The following RGL1 variants were observed in gnomAD, a reference collection of about 807,000 sequenced individuals.
The protein encoded by RGL1 is ral guanine nucleotide dissociation stimulator like 1, also known as ral guanine nucleotide dissociation stimulator-like 1.
Under a neutral mutation model 95.2 loss-of-function variants are expected in RGL1, and 24 were observed. The observed-to-expected ratio is 0.25, with a 90% CI of 0.18 to 0.35. The LOEUF (loss-of-function observed/expected upper bound fraction) is 0.35. Among genes scored for constraint, RGL1 ranks in the 10% least tolerant of loss-of-function variants. RGL1 has a pLI of 1.00. For missense variants in RGL1, 715 were observed against 936.3 expected, an observed-to-expected ratio of 0.76 and a Z score of 3.08; for synonymous variants, 329 against 344.9, an observed-to-expected ratio of 0.95 and a Z score of 0.51.
At chr1:183,661,193 G>C (rs1435717233) in intron 1 of RGL1, among the ~76,000 whole-genome samples, 6 of 152,164 alleles carry the variant, frequency 3.9e-5, no homozygotes, top group African/African-American at 1.4e-4. Flanking sequence ...CAGAAGGCAA[G>C]AAATAACTAA....
At chr1:183,804,690 TACCCGGGTGTCCTCTG>T (rs1325359736), upstream of RGL1, among the ~76,000 whole-genome samples, 4 of 152,244 alleles carry the variant, frequency 2.6e-5, no homozygotes, top group Non-Finnish European at 5.9e-5. Context: ...GGTTTTGGAA[TACCCGGGTGTCCTCTG>T]ACCTTATCCT....
intron 1 of RGL1, among the ~76,000 whole-genome samples, chr1:183,680,700 T>C (rs1402348194): frequency 6.6e-6 from 1 of 152,204 alleles, no homozygotes; most frequent in Non-Finnish European, 1.5e-5. Flanking sequence ...GTAGTTTTTT[T>C]CTGATTCTGT....
chr1:183,670,320 T>G (rs1652353898), intron 1 of RGL1, among the ~76,000 whole-genome samples: 1 of 152,218 alleles, frequency 6.6e-6, no homozygotes, highest in Admixed American at 6.5e-5. Flanking sequence ...GTAAAATAGT[T>G]TCTTCTGAGG....
Position 183,926,450 on chromosome 1 carries a change from GT to G in RGL1, c.*159del. The G allele has an allele frequency of 2.0e-6, 1 of 498,418 alleles. No homozygotes were observed. The highest frequency in any genetic ancestry group is 2.0e-5 in the African/African-American group (1 of 50,656). 30.9% of individuals were successfully genotyped at this position (498,418 alleles called of 1,614,324 possible). On this transcript the variant is annotated 3_prime_UTR_variant, in exon 18 of 18. Transcript: ENST00000360851. The stretch of plus-strand genomic sequence containing the variant: ...TGTGCAAAGCATTATGATAGGCACC[GT>G]GGGGAAACTGGAAATGAATTTGACA...
intron 11 of RGL1, among the ~76,000 whole-genome samples, chr1:183,902,338 G>A (rs1457305516): frequency 6.6e-6 from 1 of 152,162 alleles, no homozygotes; most frequent in Non-Finnish European, 1.5e-5. Context: ...TACTATTTTA[G>A]TTGGTTTCAG....
chr1:183,647,879 T>C (rs1344677523), intron 1 of RGL1: 2 of 1,614,160 alleles, frequency 1.2e-6, no homozygotes, highest in Non-Finnish European at 1.7e-6. Context: ...GCATTGGTGG[T>C]AAGTCCCTGA....
intron 1 of RGL1, among the ~76,000 whole-genome samples, chr1:183,720,469 A>G (rs998186678): frequency 6.6e-6 from 1 of 152,202 alleles, no homozygotes; most frequent in East Asian, 1.9e-4. Flanking sequence ...TATGCAACCT[A>G]TAAGAACTGA....
At chr1:183,853,655 C>A (rs1167992080) in intron 3 of RGL1, among the ~76,000 whole-genome samples, 2 of 152,176 alleles carry the variant, frequency 1.3e-5, no homozygotes, top group African/African-American at 4.8e-5. Flanking sequence ...TCACAGGCTT[C>A]ATCTCATTTA....
intron 1 of RGL1, among the ~76,000 whole-genome samples, chr1:183,663,284 A>G (rs977986744): frequency 4.0e-5 from 6 of 151,766 alleles, no homozygotes; most frequent in African/African-American, 1.5e-4. Context: ...CAACCTACAA[A>G]ATGGGAGAAA....
At chr1:183,689,642 T>G (rs1026002504) in intron 1 of RGL1, among the ~76,000 whole-genome samples, 1 of 152,222 alleles carries the variant, frequency 6.6e-6, no homozygotes, top group African/African-American at 2.4e-5. Flanking sequence ...TGACATATAG[T>G]AAGAACTTAA....
chr1:183,786,061 G>C (rs1660142453), intron 2 of RGL1, among the ~76,000 whole-genome samples: 2 of 151,722 alleles, frequency 1.3e-5, no homozygotes, highest in African/African-American at 4.8e-5. Context: ...CTGGGCAACA[G>C]AGCCAGACCC....
intron 4 of RGL1, among the ~76,000 whole-genome samples, chr1:183,871,949 C>T (rs1666206169): frequency 6.6e-6 from 1 of 151,860 alleles, no homozygotes; most frequent in African/African-American, 2.4e-5. Flanking sequence ...ATCTTTGCCT[C>T]ACGGTGATTT....
rs67341503 is a variant in RGL1 at position 183,713,376 on chromosome 1, A to ACCCC, written c.-32-28741_-32-28738dup. Among the ~76,000 whole-genome samples the ACCCC allele has an allele frequency of 6.8e-4, 33 of 48,186 alleles. 1 individual carries two copies. Among genetic ancestry groups the ACCCC allele is most frequent in the Admixed American group, 1.1e-3 (4 of 3,620 alleles). 31.6% of individuals were successfully genotyped at this position (48,186 alleles called of 152,430 possible). A position where few individuals can be genotyped will look rare whatever the true frequency, so the allele number is the denominator to read the frequency against. ...CTTTTTGAAAAAAAAATCTAGAGGCACCCCCCCCCCCCGCTTTTATAATGA... is the reference window on the plus strand; with the variant it reads ...CTTTTTGAAAAAAAAATCTAGAGGCACCCCCCCCCCCCCCCCGCTTTTATAATGA... On this transcript the variant is annotated intron_variant, in intron 1 of 18. Transcript: ENST00000304685.
At chr1:183,806,797 C>G (rs1161067648) in intron 2 of RGL1, among the ~76,000 whole-genome samples, 1 of 151,928 alleles carries the variant, frequency 6.6e-6, no homozygotes, top group Non-Finnish European at 1.5e-5. Flanking sequence ...GCAGCACTCT[C>G]TTAGACAAGA....
intron 9 of RGL1, among the ~76,000 whole-genome samples, chr1:183,895,811 T>C (rs956956637): frequency 5.3e-5 from 8 of 152,218 alleles, no homozygotes; most frequent in African/African-American, 1.9e-4. Context: ...TCGGTCTTTT[T>C]AGATCTCTAG....
At chr1:183,866,128 GTAGTT>G (rs1665820803) in intron 4 of RGL1, 55 bp downstream of exon 4, 1 of 1,360,126 alleles carries the variant, frequency 7.4e-7, no homozygotes, top group South Asian at 1.2e-5. Context: ...ATATCTTAAA[GTAGTT>G]TAGTAGAGTA....
At chr1:183,648,989 G>A (rs898778620) in intron 1 of RGL1, among the ~76,000 whole-genome samples, 1 of 152,204 alleles carries the variant, frequency 6.6e-6, no homozygotes, top group Non-Finnish European at 1.5e-5. Context: ...AGCATGGGGA[G>A]GAAACAGAAG....
At chr1:183,882,149 T>G (rs1027295387) in intron 5 of RGL1, among the ~76,000 whole-genome samples, 2 of 152,228 alleles carry the variant, frequency 1.3e-5, no homozygotes, top group South Asian at 4.1e-4. Flanking sequence ...AAAAGTAAAA[T>G]CGTGCTTCAT....
intron 2 of RGL1, among the ~76,000 whole-genome samples, chr1:183,788,641 A>G (rs1660295442): frequency 6.6e-6 from 1 of 152,198 alleles, no homozygotes; most frequent in African/African-American, 2.4e-5. Context: ...TAAAATAGTT[A>G]TTTATTTACC....
Sources: gnomAD v4.1 joint callset for allele counts (sites outside exome capture counted in the v4.1 genomes callset) on GRCh38, gnomAD v4.1.1 for gene constraint, MANE v1.5 for transcripts, NCBI Gene and HGNC (gene_info 2026-07-23, HGNC 2026-07-21) for gene names.